DLD: variants seen among roughly 807,000 people sequenced by gnomAD.
DLD encodes dihydrolipoamide dehydrogenase, also known as dihydrolipoyl dehydrogenase, mitochondrial.
DLD carries 36 observed loss-of-function variants against 62.2 expected under a neutral mutation model. The ratio of observed to expected loss-of-function variants is 0.58; its 90% confidence interval spans 0.44 to 0.76. The LOEUF (loss-of-function observed/expected upper bound fraction) is 0.76, where lower values mean the gene tolerates loss of function less well. Ranked by LOEUF, DLD falls within the 30% of genes least tolerant of loss-of-function variation. The pLI is 0.00. For synonymous variants in DLD, 204 were observed against 199.6 expected, an observed-to-expected ratio of 1.02 and a Z score of -0.19; for missense variants, 541 against 608.6, an observed-to-expected ratio of 0.89 and a Z score of 1.17.
At chr7:107,912,979 G>C (rs1397739397) in intron 8 of DLD, among the ~76,000 whole-genome samples, 1 of 152,036 alleles carries the variant, frequency 6.6e-6, no homozygotes, top group African/African-American at 2.4e-5. Flanking sequence ...TTTTGTATAT[G>C]GTAAGAGATA....
At chr7:107,912,910 T>G (rs943031145) in intron 8 of DLD, among the ~76,000 whole-genome samples, 3 of 152,168 alleles carry the variant, frequency 2.0e-5, no homozygotes, top group African/African-American at 7.2e-5. Flanking sequence ...AATGTTTTCT[T>G]ACAGTAATTT....
chr7:107,907,281 C>T (rs2032031413), intron 8 of DLD, among the ~76,000 whole-genome samples: 2 of 152,194 alleles, frequency 1.3e-5, no homozygotes, highest in African/African-American at 4.8e-5. Context: ...ACACCCTACT[C>T]ATTGGTACTT....
intron 1 of DLD, chr7:107,891,547 T>A (rs2116152251): frequency 1.7e-6 from 1 of 596,370 alleles, no homozygotes; most frequent in East Asian, 2.8e-5. Context: ...CGGTCACACA[T>A]GCCACACCCC....
intron 1 of DLD, 68 bp downstream of exon 1, chr7:107,891,357 A>T: frequency 6.3e-7 from 1 of 1,579,544 alleles, no homozygotes; most frequent in East Asian, 2.3e-5. Flanking sequence ...TGGGTCCGGT[A>T]CGCGGCTTAA....
chr7:107,902,291 A>G (rs1403257757), intron 3 of DLD, 34 bp from the exon 4 acceptor site: 3 of 1,558,374 alleles, frequency 1.9e-6, no homozygotes, highest in Non-Finnish European at 2.7e-6. Context: ...CATTGAGGTT[A>G]TGTGCAGTTA....
intron 12 of DLD, 43 bp downstream of exon 12, chr7:107,918,104 A>T (rs2116274786): frequency 6.2e-7 from 1 of 1,610,194 alleles, no homozygotes; most frequent in Non-Finnish European, 8.5e-7. Flanking sequence ...AGATTTCTAG[A>T]AAGCATTGCT....
rs771741857 is a variant in DLD, at chr7:107,905,452, A to T, written c.530A>T (p.Lys177Met). ...ADGGTQVIDT[K>M]NILIATGSEV... is the part of the protein sequence containing the mutation. ...GGCGGCACTCAGGTTATTGATACAA[A>T]GAACATTCTTATAGCCACGGGTTCA... The change falls in exon 7 of 14, where the codon AAG becomes ATG. Residue 177 changes from lysine to methionine, a missense_variant. Transcript: ENST00000205402. 1 of 1,613,900 alleles carries T rather than the reference A, an allele frequency of 6.2e-7. No homozygotes were observed. Among genetic ancestry groups the T allele is most frequent in the Admixed American group, 1.7e-5 (1 of 60,020 alleles).
chr7:107,906,317 A>T lies in DLD; in HGVS notation c.633A>T (p.Lys211Asn), dbSNP rs1412073284. 4 of 1,611,162 alleles carry T rather than the reference A, an allele frequency of 2.5e-6. No individual in the cohort carries two copies. In the African/African-American group the frequency reaches 5.3e-5, roughly 22 times the overall value. The change falls in exon 8 of 14, where the codon AAA becomes AAT. Residue 211 changes from lysine (K) to asparagine (N), a missense_variant. Lys to Asn is a moderately conservative substitution (Grantham distance 94, BLOSUM62 0). Transcript: ENST00000205402. ...VSSTGALSLK[K>N]VPEKMVVIGA... ...CTACAGGTGCTTTATCTTTAAAAAA[A>T]GTTCCAGAAAAGATGGTTGTTATTG...
At chr7:107,918,314 C>T (rs1416453772) in intron 12 of DLD, among the ~76,000 whole-genome samples, 2 of 152,138 alleles carry the variant, frequency 1.3e-5, no homozygotes, top group Non-Finnish European at 2.9e-5. Context: ...TAAAATCCTC[C>T]AGTGGTGCTT....
chr7:107,896,787 A>G (rs1210859531), intron 2 of DLD, among the ~76,000 whole-genome samples: 1 of 152,024 alleles, frequency 6.6e-6, no homozygotes, highest in African/African-American at 2.4e-5. Context: ...TTGCCTTATG[A>G]CATCTCTTTT....
At chr7:107,895,152 T>C (rs1436688695) in intron 2 of DLD, among the ~76,000 whole-genome samples, 1 of 152,208 alleles carries the variant, frequency 6.6e-6, no homozygotes, top group Non-Finnish European at 1.5e-5. Context: ...GATTTAATCC[T>C]CATGGCCTTT....
At position 107,893,296 on chromosome 7, in the gene DLD, A is replaced by G. The variant is rs1189113339; in HGVS notation, c.118+18A>G. On this transcript the variant is annotated intron_variant, in intron 2 of 13. Coordinates refer to ENST00000205402, the MANE Select transcript of DLD (RefSeq NM_000108.5). ...TCAGCCGAGTAAGTACTTAAGTAAAACATTTTTTTCATCACATTAGCTGAC... is the reference window on the plus strand; with the variant it reads ...TCAGCCGAGTAAGTACTTAAGTAAAGCATTTTTTTCATCACATTAGCTGAC... 2 of 1,600,304 alleles carry G rather than the reference A, an allele frequency of 1.2e-6. No individual in the cohort carries two copies. Among genetic ancestry groups the G allele is most frequent in the African/African-American group, 2.7e-5 (2 of 74,588 alleles).
At chr7:107,899,609 G>A (rs977784996) in intron 2 of DLD, among the ~76,000 whole-genome samples, 3 of 151,778 alleles carry the variant, frequency 2.0e-5, no homozygotes, top group African/African-American at 7.3e-5. Context: ...CAGTTTTATT[G>A]TCATTAAAAG....
At chr7:107,894,815 T>C (rs1344190516) in intron 2 of DLD, among the ~76,000 whole-genome samples, 2 of 152,236 alleles carry the variant, frequency 1.3e-5, no homozygotes, top group African/African-American at 4.8e-5. Context: ...GTGTGTAAAG[T>C]GTGTAAAAGC....
chr7:107,897,098 G>C (rs2031746336), intron 2 of DLD, among the ~76,000 whole-genome samples: 1 of 152,162 alleles, frequency 6.6e-6, no homozygotes, highest in Non-Finnish European at 1.5e-5. Context: ...GCCTCCCAAA[G>C]TGTTGGAATT....
rs75633856 is a variant in DLD, at chr7:107,894,785, A to G, written c.118+1507A>G. ...GTGATCCCTTGACATTGAGTAAATCATAAATCACTTAGTACCCATGTGTGT... is the reference window on the plus strand; with the variant it reads ...GTGATCCCTTGACATTGAGTAAATCGTAAATCACTTAGTACCCATGTGTGT... On this transcript the variant is annotated intron_variant, in intron 2 of 13. Transcript: ENST00000205402. 8.6e-3 allele frequency among the ~76,000 whole-genome samples: 1,303 copies of G among 152,370 alleles called. 24 individuals carry two copies. Among genetic ancestry groups the G allele is most frequent in the African/African-American group, 0.029 (1,190 of 41,580 alleles).
At chr7:107,909,145 T>C (rs992149747) in intron 8 of DLD, among the ~76,000 whole-genome samples, 1 of 152,222 alleles carries the variant, frequency 6.6e-6, no homozygotes, top group African/African-American at 2.4e-5. Flanking sequence ...AAAAACCACA[T>C]TTTTTTCGCA....
chr7:107,906,537 T>A (rs1345679263), intron 8 of DLD, among the ~76,000 whole-genome samples, 169 bp downstream of exon 8: 2 of 152,238 alleles, frequency 1.3e-5, no homozygotes, highest in Non-Finnish European at 2.9e-5. Flanking sequence ...AACCTATTTA[T>A]GTATTTACTC....
intron 8 of DLD, among the ~76,000 whole-genome samples, chr7:107,914,323 C>G (rs1485980995): frequency 2.0e-5 from 3 of 152,012 alleles, no homozygotes; most frequent in African/African-American, 7.2e-5. Flanking sequence ...TTTCCCCAGT[C>G]TGTGGCTTCT....
Sources: gnomAD v4.1 joint callset for allele counts (sites outside exome capture counted in the v4.1 genomes callset) on GRCh38, gnomAD v4.1.1 for gene constraint, MANE v1.5 for transcripts, NCBI Gene and HGNC (gene_info 2026-07-23, HGNC 2026-07-21) for gene names.